Variants in CFAP299 observed in about 807,000 individuals in gnomAD.
CFAP299 encodes the protein cilia- and flagella-associated protein 299.
In CFAP299, 21 loss-of-function variants were observed where a neutral mutation model predicts 27.0. The observed-to-expected ratio is 0.78, with a 90% CI of 0.55 to 1.12. The LOEUF is 1.12. Among genes scored for constraint, CFAP299 ranks in the 50% most tolerant of loss-of-function variants. The pLI is 0.00. For synonymous variants in CFAP299, 104 were observed against 98.1 expected (o/e 1.06, Z -0.36); for missense variants, 310 against 276.6 (o/e 1.12, Z -0.86).
At chr4:80,523,508 G>A (rs1349795013) in intron 2 of CFAP299, among the ~76,000 whole-genome samples, 1 of 152,086 alleles carries the variant, frequency 6.6e-6, no homozygotes, top group East Asian at 1.9e-4. Flanking sequence ...GTGTCTGTGA[G>A]GATGTTTCCA....
intron 3 of CFAP299, among the ~76,000 whole-genome samples, chr4:80,747,398 A>C (rs1460485465): frequency 1.3e-5 from 2 of 152,076 alleles, no homozygotes; most frequent in Non-Finnish European, 1.5e-5. Context: ...CAGCTTCATT[A>C]TAATCTTGCA....
intron 3 of CFAP299, among the ~76,000 whole-genome samples, chr4:80,744,047 T>C (rs1724441247): frequency 6.6e-6 from 1 of 152,172 alleles, no homozygotes; most frequent in Non-Finnish European, 1.5e-5. Context: ...AACTATAGAT[T>C]AGATTATTTC....
At chr4:80,608,235 C>T in intron 3 of CFAP299, 2 of 708,624 alleles carry the variant, frequency 2.8e-6, no homozygotes, top group Non-Finnish European at 2.3e-6. Flanking sequence ...CTGATTCCAA[C>T]AGTACCAGAG....
At chr4:80,370,919 T>G (rs1198170153) in intron 2 of CFAP299, among the ~76,000 whole-genome samples, 1 of 152,244 alleles carries the variant, frequency 6.6e-6, no homozygotes, top group African/African-American at 2.4e-5. Flanking sequence ...GGCCTCTGTG[T>G]GAGAGCTCTA....
At chr4:80,447,133 T>TGG (rs1560571617) in intron 2 of CFAP299, among the ~76,000 whole-genome samples, 2 of 110,402 alleles carry the variant, frequency 1.8e-5, no homozygotes, top group African/African-American at 5.0e-5. Context: ...TTTTTTTGTT[T>TGG]TTTTTTTTTT....
chr4:80,940,879 T>C (rs1737160518), intron 4 of CFAP299, among the ~76,000 whole-genome samples: 1 of 152,128 alleles, frequency 6.6e-6, no homozygotes, highest in South Asian at 2.1e-4. Context: ...AAGACAATGG[T>C]AAATATAAGC....
intron 3 of CFAP299, among the ~76,000 whole-genome samples, chr4:80,778,623 A>G (rs893999081): frequency 6.6e-6 from 1 of 151,500 alleles, no homozygotes. Context: ...TTCTATCCAT[A>G]TCGCATGCAG....
chr4:80,559,159 A>C (rs537573114), intron 2 of CFAP299, among the ~76,000 whole-genome samples: 57 of 152,254 alleles, frequency 3.7e-4, no homozygotes, highest in African/African-American at 1.3e-3. Context: ...TGGCTGGAAC[A>C]GCTAGGGGTT....
chr4:80,861,773 A>C (rs1028266894), intron 3 of CFAP299, among the ~76,000 whole-genome samples: 6 of 152,202 alleles, frequency 3.9e-5, no homozygotes, highest in African/African-American at 1.2e-4. Context: ...AAATAATGCA[A>C]GTAAAGATTG....
At chr4:80,375,757 G>A (rs1413883675) in intron 2 of CFAP299, among the ~76,000 whole-genome samples, 1 of 152,180 alleles carries the variant, frequency 6.6e-6, no homozygotes, top group Non-Finnish European at 1.5e-5. Context: ...CTAGAGGGGC[G>A]CCACATTTGG....
chr4:80,879,742 A>G lies in CFAP299; in HGVS notation c.476+9607A>G, dbSNP rs1046969111. 2.0e-5 allele frequency among the ~76,000 whole-genome samples: 3 copies of G among 152,224 alleles called. No individual in the cohort carries two copies. The East Asian group carries it at 5.8e-4, about 29-fold the overall frequency. On this transcript the variant is annotated intron_variant, in intron 4 of 5. Transcript: ENST00000358105. ...TACTTTACAATCTGTTAACATGTGTATGCACCACTGTGCCAAAATTTAATG... is the reference window on the plus strand; with the variant it reads ...TACTTTACAATCTGTTAACATGTGTGTGCACCACTGTGCCAAAATTTAATG...
chr4:80,821,872 A>G (rs189968155), intron 3 of CFAP299, among the ~76,000 whole-genome samples: 2 of 151,616 alleles, frequency 1.3e-5, no homozygotes, highest in African/African-American at 2.4e-5. Flanking sequence ...ATGCATAGCC[A>G]TCCCCTGGCT....
intron 3 of CFAP299, among the ~76,000 whole-genome samples, chr4:80,853,879 C>T (rs1731674059): frequency 6.6e-6 from 1 of 152,124 alleles, no homozygotes; most frequent in South Asian, 2.1e-4. Flanking sequence ...GTGTGATGGA[C>T]ATGTTCAGTT....
chr4:80,359,369 T>C (rs1723432930), intron 1 of CFAP299, among the ~76,000 whole-genome samples: 1 of 152,190 alleles, frequency 6.6e-6, no homozygotes, highest in African/African-American at 2.4e-5. Flanking sequence ...TTGTCCCCTC[T>C]ATCTAGATTG....
At chr4:80,820,905 A>G (rs1729669115) in intron 3 of CFAP299, among the ~76,000 whole-genome samples, 1 of 152,222 alleles carries the variant, frequency 6.6e-6, no homozygotes, top group Non-Finnish European at 1.5e-5. Context: ...TTTGGATAAC[A>G]CAGATCATTA....
At chr4:80,671,329 G>A (rs1200899205) in intron 3 of CFAP299, among the ~76,000 whole-genome samples, 1 of 152,128 alleles carries the variant, frequency 6.6e-6, no homozygotes, top group African/African-American at 2.4e-5. Context: ...TGAGGCCTCT[G>A]TTGTGTTCCA....
At chr4:80,893,244 G>A (rs1358647353) in intron 4 of CFAP299, among the ~76,000 whole-genome samples, 1 of 151,354 alleles carries the variant, frequency 6.6e-6, no homozygotes, top group Non-Finnish European at 1.5e-5. Flanking sequence ...GGCACAAGCA[G>A]ATGAAGGCAT....
chr4:80,813,177 ACAT>A (rs1729243769), intron 3 of CFAP299, among the ~76,000 whole-genome samples: 1 of 152,072 alleles, frequency 6.6e-6, no homozygotes, highest in Admixed American at 6.6e-5. Context: ...ATGCACGTAA[ACAT>A]CTATATACTT....
intron 3 of CFAP299, among the ~76,000 whole-genome samples, chr4:80,658,730 A>G (rs912729224): frequency 2.0e-5 from 3 of 152,138 alleles, no homozygotes; most frequent in African/African-American, 4.8e-5. Context: ...AGTGCTTATC[A>G]TAACCATATC....
Sources: allele counts gnomAD v4.1 joint callset (sites outside exome capture counted in the v4.1 genomes callset), GRCh38; gene constraint gnomAD v4.1.1; transcripts MANE v1.5; gene names NCBI Gene and HGNC (gene_info 2026-07-23, HGNC 2026-07-21).